Variants in WT1 observed in about 807,000 individuals in gnomAD.
WT1 encodes the protein WT1 transcription factor, also known as Wilms tumor protein.
In WT1, 8 loss-of-function variants were observed where a neutral mutation model predicts 60.8. That is an observed-to-expected ratio of 0.13 (90% CI 0.08 to 0.24). The LOEUF is 0.24. WT1 is among the 10% of genes least tolerant of loss of function. WT1 has a pLI of 1.00. For synonymous variants in WT1, 312 were observed against 297.1 expected (o/e 1.05, Z -0.52); for missense variants, 568 against 711.8 (o/e 0.80, Z 2.30).
At chr11:32,403,483 T>C (rs1280553388) in intron 5 of WT1, among the ~76,000 whole-genome samples, 1 of 152,100 alleles carries the variant, frequency 6.6e-6, no homozygotes, top group East Asian at 1.9e-4. Flanking sequence ...GTTTTCAAGA[T>C]AGCCCATTCC....
chr11:32,401,843 T>G (rs1218117463), intron 5 of WT1, among the ~76,000 whole-genome samples: 1 of 152,138 alleles, frequency 6.6e-6, no homozygotes, highest in Non-Finnish European at 1.5e-5. Flanking sequence ...CCCAGCCGCA[T>G]CAGCATTTTT....
chr11:32,434,416 C>T (rs1054195356), intron 1 of WT1, among the ~76,000 whole-genome samples: 2 of 152,262 alleles, frequency 1.3e-5, no homozygotes, highest in Non-Finnish European at 2.9e-5. Flanking sequence ...ACTAGCAGTC[C>T]CGGAATCTCT....
chr11:32,430,635 G>A (rs1282233715), intron 1 of WT1: 1 of 1,522,552 alleles, frequency 6.6e-7, no homozygotes, highest in Admixed American at 2.0e-5. Flanking sequence ...CGTGGGTCCC[G>A]AGTCGCGGCA....
At chr11:32,403,396 A>C (rs962623262) in intron 5 of WT1, among the ~76,000 whole-genome samples, 3 of 152,112 alleles carry the variant, frequency 2.0e-5, no homozygotes, top group Non-Finnish European at 4.4e-5. Flanking sequence ...CAGAAAGGCC[A>C]TCTACACCAA....
At chr11:32,417,891 T>A (rs1034533180) in intron 3 of WT1, among the ~76,000 whole-genome samples, 5 of 152,160 alleles carry the variant, frequency 3.3e-5, no homozygotes, top group Non-Finnish European at 5.9e-5. Context: ...TTTTAAAACC[T>A]TTGTATAGCA....
intron 5 of WT1, among the ~76,000 whole-genome samples, chr11:32,405,592 C>G (rs1003515695): frequency 2.0e-5 from 3 of 149,920 alleles, no homozygotes; most frequent in African/African-American, 7.4e-5. Context: ...TCCTTAGAAC[C>G]CTAGGAGTCA....
intron 6 of WT1, among the ~76,000 whole-genome samples, chr11:32,397,143 A>G (rs1851999377): frequency 6.6e-6 from 1 of 152,228 alleles, no homozygotes; most frequent in African/African-American, 2.4e-5. Context: ...TTCCAAGAAT[A>G]AGAACTGGAG....
At chr11:32,434,619 G>A in intron 1 of WT1, 81 bp downstream of exon 1, 1 of 1,605,158 alleles carries the variant, frequency 6.2e-7, no homozygotes, top group East Asian at 2.2e-5. Context: ...GTCAAAAGGG[G>A]TAGGAGAGGG....
intron 5 of WT1, among the ~76,000 whole-genome samples, chr11:32,403,440 T>C (rs146095723): frequency 6.6e-6 from 1 of 152,328 alleles, no homozygotes; most frequent in East Asian, 1.9e-4. Flanking sequence ...TTCCAGCTTA[T>C]GCCCAACAGT....
chr11:32,420,447 A>AATATACTTT (rs1436637311), intron 3 of WT1, among the ~76,000 whole-genome samples: 1 of 152,236 alleles, frequency 6.6e-6, no homozygotes, highest in Non-Finnish European at 1.5e-5. Context: ...TGATACAGAT[A>AATATACTTT]ATATACTTTA....
rs749405227 is a variant in WT1 at position 32,434,716 on chromosome 11, G to T, written c.645C>A (p.Pro215=). The change falls in exon 1 of 10, where the codon CCC becomes CCA. Residue 215 remains proline, a synonymous_variant. Coordinates refer to ENST00000452863, the MANE Select transcript of WT1 (RefSeq NM_024426.6). ...CCTACTTACCCTGATTGCGAATAGCGGGCTGGCTCTCGAGGCAGCTGGGCA... is the reference window on the plus strand; with the variant it reads ...CCTACTTACCCTGATTGCGAATAGCTGGCTGGCTCTCGAGGCAGCTGGGCA... The T allele has an allele frequency of 2.5e-6, 4 of 1,612,984 alleles. No homozygotes were observed. The South Asian group carries it at 4.4e-5, about 18-fold the overall frequency.
intron 1 of WT1, among the ~76,000 whole-genome samples, chr11:32,434,015 C>T (rs5030143): frequency 1.3e-5 from 2 of 152,256 alleles, no homozygotes; most frequent in African/African-American, 4.8e-5. Flanking sequence ...ATCCCCAGAA[C>T]CTGCGTGGCC....
chr11:32,424,727 T>TCTCCTG (rs1197813484), intron 3 of WT1, among the ~76,000 whole-genome samples: 8 of 152,160 alleles, frequency 5.3e-5, no homozygotes, highest in Non-Finnish European at 7.3e-5. Context: ...TCCTCAGAAC[T>TCTCCTG]GTCACCTGAG....
In WT1 at chr11:32,431,614, T is replaced by C. The variant is rs1471401740; in HGVS notation, c.662-2995A>G. On this transcript the variant is annotated intron_variant, in intron 1 of 9. Transcript: ENST00000452863. ...ACCAAGCCCGGCCAATTTTTTTTTT[T>C]GTATTTTCAGTAGAGACAGGGTTTC... 2.7e-5 allele frequency among the ~76,000 whole-genome samples: 4 copies of C among 146,094 alleles called. No homozygotes were observed. In the South Asian group the frequency reaches 9.0e-4, roughly 33 times the overall value.
chr11:32,417,592 C>T lies in WT1; in HGVS notation c.950G>A (p.Gly317Glu), dbSNP rs1564987636. Residue 317 changes from glycine to glutamate, a missense_variant, in exon 4 of 10, where the codon GGA becomes GAA. Around this residue, in one of 3 missense-constraint regions of WT1, gnomAD observed 523 missense variants for 565.1 expected, o/e 0.93. Coordinates refer to ENST00000452863, the MANE Select transcript of WT1 (RefSeq NM_024426.6). ...AAAACCTTACCCCTTTAAGGTGGCT[C>T]CTAAGTTCATCTGATTCCAGGTCAT... The T allele has an allele frequency of 2.5e-6, 4 of 1,613,950 alleles. No individual in the cohort carries two copies. The East Asian group carries it at 8.9e-5, about 36-fold the overall frequency.
chr11:32,405,799 C>G (rs932133365), intron 5 of WT1, among the ~76,000 whole-genome samples: 1 of 152,162 alleles, frequency 6.6e-6, no homozygotes, highest in Non-Finnish European at 1.5e-5. Flanking sequence ...GCAAAGAATA[C>G]TGAGGTTTAA....
chr11:32,417,448 T>A (rs1852710568), intron 4 of WT1, 129 bp downstream of exon 4: 3 of 841,018 alleles, frequency 3.6e-6, no homozygotes, highest in South Asian at 1.5e-5. Context: ...AGGAAAGCGT[T>A]CTAATGTCAC....
At chr11:32,400,267 C>A in intron 5 of WT1, 1 of 621,774 alleles carries the variant, frequency 1.6e-6, no homozygotes. Context: ...TCCTCCGATT[C>A]TCGTAGGCGT....
intron 5 of WT1, among the ~76,000 whole-genome samples, chr11:32,411,082 C>CACACACACACACAT (rs1199139350): frequency 1.3e-5 from 2 of 152,052 alleles, no homozygotes; most frequent in Non-Finnish European, 2.9e-5. Flanking sequence ...CACACACACA[C>CACACACACACACAT]ACACACACAC....
Sources: gnomAD v4.1 joint callset for allele counts (sites outside exome capture counted in the v4.1 genomes callset) on GRCh38, gnomAD v4.1.1 for gene constraint, gnomAD v4.1.1 regional missense constraint, MANE v1.5 for transcripts, NCBI Gene and HGNC (gene_info 2026-07-23, HGNC 2026-07-21) for gene names.